Variants in HSPA12A observed in about 807,000 individuals in gnomAD.
The protein encoded by HSPA12A is heat shock protein family A (Hsp70) member 12A, also known as heat shock 70 kDa protein 12A.
Under a neutral mutation model 69.2 loss-of-function variants are expected in HSPA12A, and 28 were observed. The ratio of observed to expected loss-of-function variants is 0.40; its 90% CI spans 0.30 to 0.55. HSPA12A has a LOEUF of 0.55. Ranked by LOEUF, HSPA12A falls within the 20% of genes least tolerant of loss-of-function variation. HSPA12A has a pLI of 0.38. For missense variants in HSPA12A, 686 were observed against 900.7 expected (o/e 0.76, Z 3.05); for synonymous variants, 345 against 370.5 (o/e 0.93, Z 0.79).
chr10:116,677,614 C>T (rs1849277614), intron 10 of HSPA12A, among the ~76,000 whole-genome samples: 1 of 152,226 alleles, frequency 6.6e-6, no homozygotes, highest in African/African-American at 2.4e-5. Flanking sequence ...GGCCCTGCTC[C>T]AAGGGCAAGA....
Position 116,821,219 on chromosome 10 carries a change from T to A in HSPA12A, c.91+13716A>T, listed in dbSNP as rs1052920277. The stretch of plus-strand genomic sequence containing the variant: ...CCTCTCAAGACCCTGGCTTCCCACC[T>A]CAGAGGAGAAGCTGGAGTCCTTGCC... On this transcript the variant is annotated intron_variant, in intron 2 of 12. Transcript: ENST00000635765. Among the ~76,000 whole-genome samples, 5 of 152,206 alleles carry A rather than the reference T, an allele frequency of 3.3e-5. No homozygotes were observed. In the East Asian group the frequency reaches 9.7e-4, roughly 29 times the overall value.
Position 116,683,810 on chromosome 10 carries a change from T to A in HSPA12A, c.816A>T (p.Val272=), listed in dbSNP as rs782216597. 1 of 1,568,070 alleles carries A rather than the reference T, an allele frequency of 6.4e-7. No individual in the cohort carries two copies. The highest frequency in any genetic ancestry group is 8.7e-7 in the Non-Finnish European group (1 of 1,144,792). ...AVNGYSGSDT[V]GAGFTQAKEH... ...AGGTACCCTGTGTAAACCCAGCTCC[T>A]ACTGTGTCACTGCCGCTGTACCCAT... is the stretch of plus-strand genomic sequence containing the variant. Residue 272 remains valine (V), a synonymous_variant, in exon 7 of 12, where the codon GTA becomes GTT. Coordinates refer to ENST00000369209, the MANE Select transcript of HSPA12A (RefSeq NM_025015.3).
Position 116,792,501 on chromosome 10 carries a change from G to T in HSPA12A, c.91+42434C>A, listed in dbSNP as rs565909070. ...GAAAAAATAAAAATAAATCAGCTGG[G>T]CGCAGTAGCACATGCCCGTAATCCC... On this transcript the variant is annotated intron_variant, in intron 2 of 12. Transcript: ENST00000635765. Among the ~76,000 whole-genome samples the T allele has an allele frequency of 3.3e-5, 5 of 151,934 alleles. No homozygotes were observed. The East Asian group carries it at 9.7e-4, about 29-fold the overall frequency.
chr10:116,779,478 G>A (rs1366301760), intron 2 of HSPA12A, among the ~76,000 whole-genome samples: 1 of 152,164 alleles, frequency 6.6e-6, no homozygotes, highest in Non-Finnish European at 1.5e-5. Context: ...ACTCGGGTGT[G>A]GCCACGTGAC....
At chr10:116,732,159 C>T (rs557609407) in intron 1 of HSPA12A, among the ~76,000 whole-genome samples, 6 of 151,838 alleles carry the variant, frequency 4.0e-5, no homozygotes, top group East Asian at 1.9e-4. Context: ...GATGAAACGC[C>T]GTCTCTACTA....
chr10:116,743,584 C>A (rs1277092180), upstream of HSPA12A, among the ~76,000 whole-genome samples: 2 of 152,186 alleles, frequency 1.3e-5, no homozygotes, highest in African/African-American at 4.8e-5. Context: ...GGATTCCCAC[C>A]CAGCTGTAAC....
At chr10:116,772,418 G>A (rs542788160) in intron 2 of HSPA12A, among the ~76,000 whole-genome samples, 1 of 152,132 alleles carries the variant, frequency 6.6e-6, no homozygotes, top group Admixed American at 6.5e-5. Context: ...AAAATGCTGA[G>A]CAGACTCTGT....
chr10:116,684,647 G>A (rs1466566151), intron 6 of HSPA12A, among the ~76,000 whole-genome samples: 6 of 152,064 alleles, frequency 3.9e-5, no homozygotes, highest in South Asian at 2.1e-4. Context: ...TCTAGAGTGC[G>A]GTTGAGTCAG....
intron 2 of HSPA12A, among the ~76,000 whole-genome samples, chr10:116,795,791 A>G (rs1844808405): frequency 6.6e-6 from 1 of 150,766 alleles, no homozygotes; most frequent in African/African-American, 2.4e-5. Flanking sequence ...TTTATAAATT[A>G]TTATATACAT....
chr10:116,800,567 T>A (rs1326308067), intron 2 of HSPA12A, among the ~76,000 whole-genome samples: 1 of 152,216 alleles, frequency 6.6e-6, no homozygotes, highest in Non-Finnish European at 1.5e-5. Context: ...CAACCCCTGC[T>A]GCGCTCACTG....
At chr10:116,771,678 T>G (rs1377527335) in intron 2 of HSPA12A, among the ~76,000 whole-genome samples, 1 of 151,970 alleles carries the variant, frequency 6.6e-6, no homozygotes, top group Non-Finnish European at 1.5e-5. Context: ...AGGGACGGGG[T>G]GGATGAGAGG....
intron 2 of HSPA12A, among the ~76,000 whole-genome samples, chr10:116,706,835 A>G (rs1374258897): frequency 6.6e-6 from 1 of 152,154 alleles, no homozygotes; most frequent in African/African-American, 2.4e-5. Flanking sequence ...TCACCGATTC[A>G]CTAGCCCAGA....
chr10:116,792,613 C>CAAAAAAAAAAAAA (rs56344323), intron 2 of HSPA12A, among the ~76,000 whole-genome samples: 8 of 107,982 alleles, frequency 7.4e-5, no homozygotes, highest in East Asian at 5.8e-4. Context: ...CTTGCATCTA[C>CAAAAAAAAAAAAA]AAAAAAAAAA....
intron 1 of HSPA12A, chr10:116,849,374 G>T: frequency 1.5e-6 from 1 of 671,726 alleles, no homozygotes; most frequent in East Asian, 3.4e-5. Context: ...ATGCCGCAGG[G>T]AGAAAAGACA....
chr10:116,819,964 C>T (rs548338440), intron 2 of HSPA12A, among the ~76,000 whole-genome samples: 95 of 152,178 alleles, frequency 6.2e-4, no homozygotes, highest in African/African-American at 2.2e-3. Flanking sequence ...GTAGCTGGGA[C>T]TACAGGCACA....
intron 2 of HSPA12A, among the ~76,000 whole-genome samples, chr10:116,818,565 C>G (rs1384685132): frequency 1.3e-5 from 2 of 151,982 alleles, no homozygotes; most frequent in African/African-American, 4.8e-5. Context: ...TTTCCCTGCT[C>G]TGCTCAGCTG....
At chr10:116,847,568 T>A (rs1030309286) in intron 1 of HSPA12A, among the ~76,000 whole-genome samples, 1 of 152,172 alleles carries the variant, frequency 6.6e-6, no homozygotes, top group African/African-American at 2.4e-5. Flanking sequence ...AACCCTTTGC[T>A]CCAGCCAGGT....
chr10:116,682,424 T>C (rs1554878744), intron 7 of HSPA12A, among the ~76,000 whole-genome samples: 2 of 147,954 alleles, frequency 1.4e-5, no homozygotes, highest in African/African-American at 2.5e-5. Context: ...TTGGGGTGTG[T>C]TTTCCTAACA....
chr10:116,766,266 C>T (rs189041567), intron 2 of HSPA12A, among the ~76,000 whole-genome samples: 3 of 152,304 alleles, frequency 2.0e-5, no homozygotes, highest in South Asian at 2.1e-4. Flanking sequence ...CAATTCATCC[C>T]GGTTTGTCCA....
Sources: allele counts gnomAD v4.1 joint callset (sites outside exome capture counted in the v4.1 genomes callset), GRCh38; gene constraint gnomAD v4.1.1; transcripts MANE v1.5; gene names NCBI Gene and HGNC (gene_info 2026-07-23, HGNC 2026-07-21).